The following CAPSL variants were observed in gnomAD, a reference collection of about 807,000 sequenced individuals.
CAPSL encodes calcyphosin-like protein.
A neutral mutation model predicts 21.3 loss-of-function variants in CAPSL; 17 were observed. The observed-to-expected ratio is 0.80, with a 90% CI of 0.55 to 1.20. CAPSL has a LOEUF of 1.20. CAPSL is among the 50% of genes most tolerant of loss of function. CAPSL has a pLI of 0.00. For missense variants in CAPSL, 289 were observed against 259.3 expected (o/e 1.11, Z -0.79); for synonymous variants, 102 against 89.3 (o/e 1.14, Z -0.80).
chr5:35,907,334 A>T (rs578138779), intron 4 of CAPSL, among the ~76,000 whole-genome samples: 1 of 152,332 alleles, frequency 6.6e-6, no homozygotes, highest in Non-Finnish European at 1.5e-5. Flanking sequence ...AAAATTTTTT[A>T]TGAGATGGAT....
At chr5:35,909,842 C>T (rs753285614) in intron 4 of CAPSL, 24 bp downstream of exon 4, 2 of 1,576,510 alleles carry the variant, frequency 1.3e-6, no homozygotes, top group East Asian at 4.5e-5. Context: ...AGAAATTTCC[C>T]CTAGATTAGG....
At chr5:35,915,535 G>C (rs1403599288) in intron 2 of CAPSL, among the ~76,000 whole-genome samples, 4 of 152,160 alleles carry the variant, frequency 2.6e-5, no homozygotes, top group African/African-American at 9.7e-5. Context: ...CTTCATCCCT[G>C]GGATGCAAGG....
chr5:35,910,283 G>C, intron 3 of CAPSL, 83 bp downstream of exon 3: 1 of 1,457,342 alleles, frequency 6.9e-7, no homozygotes, highest in South Asian at 1.3e-5. Flanking sequence ...CTAACAACTT[G>C]TAAAAACAAA....
chr5:35,911,253 A>G (rs889666278), intron 2 of CAPSL, among the ~76,000 whole-genome samples: 6 of 152,248 alleles, frequency 3.9e-5, no homozygotes, highest in Non-Finnish European at 8.8e-5. Context: ...TGTGGGCTCT[A>G]CAAAGAGGTT....
intron 2 of CAPSL, 92 bp from the exon 3 acceptor site, chr5:35,910,635 T>G (rs1738197075): frequency 5.1e-6 from 5 of 984,160 alleles, no homozygotes; most frequent in Non-Finnish European, 7.3e-6. Context: ...CAAGGTTTCG[T>G]CAAATTAAAA....
intron 1 of CAPSL, among the ~76,000 whole-genome samples, chr5:35,927,326 T>G (rs1282150202): frequency 6.6e-6 from 1 of 152,208 alleles, no homozygotes; most frequent in Non-Finnish European, 1.5e-5. Flanking sequence ...GTCATGATTT[T>G]TAACATTTTT....
At chr5:35,917,216 A>G (rs1327663830) in intron 2 of CAPSL, among the ~76,000 whole-genome samples, 7 of 152,146 alleles carry the variant, frequency 4.6e-5, no homozygotes, top group Admixed American at 4.6e-4. Flanking sequence ...TCAGGAAACA[A>G]CAGGTGCTGG....
intron 1 of CAPSL, among the ~76,000 whole-genome samples, chr5:35,936,882 G>T (rs936898620): frequency 6.6e-6 from 1 of 152,174 alleles, no homozygotes. Flanking sequence ...ATGTGCACTT[G>T]GATGACCTAC....
intron 1 of CAPSL, among the ~76,000 whole-genome samples, chr5:35,928,031 A>C (rs2149930920): frequency 6.6e-6 from 1 of 152,320 alleles, no homozygotes; most frequent in Admixed American, 6.5e-5. Flanking sequence ...GGGAAGTTCA[A>C]GATCAAGGTA....
chr5:35,916,075 A>G (rs1328447865), intron 2 of CAPSL, among the ~76,000 whole-genome samples: 2 of 97,308 alleles, frequency 2.1e-5, no homozygotes, highest in African/African-American at 5.4e-5. Flanking sequence ...AATAACAGAC[A>G]AACAGAGAGG....
At chr5:35,915,190 A>G (rs924313692) in intron 2 of CAPSL, among the ~76,000 whole-genome samples, 3 of 152,194 alleles carry the variant, frequency 2.0e-5, no homozygotes, top group African/African-American at 4.8e-5. Context: ...TAGACCAATA[A>G]CAGACCCTGA....
At chr5:35,926,944 A>G (rs1266085371) in intron 1 of CAPSL, among the ~76,000 whole-genome samples, 1 of 152,228 alleles carries the variant, frequency 6.6e-6, no homozygotes, top group African/African-American at 2.4e-5. Context: ...AGGTTTAGTC[A>G]GCTCGGATGA....
intron 1 of CAPSL, among the ~76,000 whole-genome samples, chr5:35,924,428 T>C (rs1738614656): frequency 6.6e-6 from 1 of 152,132 alleles, no homozygotes; most frequent in Non-Finnish European, 1.5e-5. Flanking sequence ...TGCTTTCTCA[T>C]AGGAAAGTGG....
intron 1 of CAPSL, among the ~76,000 whole-genome samples, chr5:35,935,420 T>G (rs1738919907): frequency 6.6e-6 from 1 of 151,550 alleles, no homozygotes; most frequent in Non-Finnish European, 1.5e-5. Context: ...GCAGCCTCAA[T>G]CTCCTGGGCA....
chr5:35,914,381 T>G (rs940105441), intron 2 of CAPSL, among the ~76,000 whole-genome samples: 1 of 152,120 alleles, frequency 6.6e-6, no homozygotes, highest in Non-Finnish European at 1.5e-5. Context: ...TACAGAACTC[T>G]CCACCCCAAA....
At chr5:35,934,096 T>C (rs922192409) in intron 1 of CAPSL, among the ~76,000 whole-genome samples, 2 of 152,244 alleles carry the variant, frequency 1.3e-5, no homozygotes, top group African/African-American at 4.8e-5. Flanking sequence ...TGAACCTTGA[T>C]ATGTTTTCTT....
rs116441842 is a variant in CAPSL at position 35,933,651 on chromosome 5, C to A, written c.-1+4890G>T. Among the ~76,000 whole-genome samples, 678 of 152,252 alleles carry A rather than the reference C, an allele frequency of 4.5e-3. 6 individuals are homozygous for A. The highest frequency in any genetic ancestry group is 0.031 in the Middle Eastern group (9 of 294). Reference sequence around the variant, plus strand: ...ACTGAAGAGCATTTGCCTGCTCCTCCCTCGGTGTGAAGAACTCCTGTCCAA... The same window carrying A: ...ACTGAAGAGCATTTGCCTGCTCCTCACTCGGTGTGAAGAACTCCTGTCCAA... On this transcript the variant is annotated intron_variant, in intron 1 of 4. Transcript: ENST00000651391.
chr5:35,910,266 C>T, intron 3 of CAPSL, 100 bp downstream of exon 3: 1 of 1,323,460 alleles, frequency 7.6e-7, no homozygotes, highest in Non-Finnish European at 1.0e-6. Flanking sequence ...CCCCTCCCCA[C>T]AGTGTACTAA....
chr5:35,912,598 AG>A (rs760583753), intron 2 of CAPSL, among the ~76,000 whole-genome samples: 4 of 152,334 alleles, frequency 2.6e-5, no homozygotes, highest in Middle Eastern at 3.4e-3. Context: ...CCAGGCAAAC[AG>A]GGTCTGGAGT....
Sources: allele counts gnomAD v4.1 joint callset (sites outside exome capture counted in the v4.1 genomes callset), GRCh38; gene constraint gnomAD v4.1.1; transcripts MANE v1.5; gene names NCBI Gene and HGNC (gene_info 2026-07-23, HGNC 2026-07-21).